Variants in HDAC7 observed in about 807,000 individuals in gnomAD.
HDAC7 encodes histone deacetylase 7A.
HDAC7 carries 26 observed loss-of-function variants against 115.5 expected under a neutral mutation model. The observed-to-expected ratio is 0.23, with a 90% confidence interval of 0.16 to 0.31. HDAC7 has a LOEUF of 0.31. Ranked by LOEUF, HDAC7 falls within the 10% of genes least tolerant of loss-of-function variation. The probability of loss-of-function intolerance (pLI) is 1.00; values close to 1 mark genes in which losing one functional copy is unlikely to be tolerated. For synonymous variants in HDAC7, 564 were observed against 550.9 expected, an observed-to-expected ratio of 1.02 and a Z score of -0.33; for missense variants, 1,068 against 1,329.0, an observed-to-expected ratio of 0.80 and a Z score of 3.05.
At chr12:47,805,270 T>G (rs1458878242) in intron 1 of HDAC7, among the ~76,000 whole-genome samples, 1 of 151,758 alleles carries the variant, frequency 6.6e-6, no homozygotes, top group African/African-American at 2.4e-5. Flanking sequence ...TTTTTTTTTT[T>G]GTAGAGACGA....
At chr12:47,784,851 C>T in intron 24 of HDAC7, 1 of 1,336,630 alleles carries the variant, frequency 7.5e-7, no homozygotes, top group South Asian at 1.3e-5. Flanking sequence ...GACATCACGG[C>T]TCCCCTACCC....
Position 47,789,299 on chromosome 12 carries a change from G to T in HDAC7, c.2197C>A (p.Gln733Lys), listed in dbSNP as rs776684341. The change falls in exon 19 of 26, where the codon CAG becomes AAG. Residue 733 changes from glutamine (Q) to lysine (K), a missense_variant. This residue lies in a region of HDAC7 where 182 missense variants were observed against 301.1 expected (regional missense o/e 0.60). Coordinates refer to ENST00000080059, the MANE Select transcript of HDAC7 (RefSeq NM_015401.5). ...SVAIACRQLQ[Q>K]QSKASKILIV... ...AGGATCTTGCTGGCCTTGCTCTGCT[G>T]TTGCAGCTGCCGGCAGGCGATGGCC... 6.5e-5 allele frequency: 105 copies of T among 1,613,954 alleles called. No individual in the cohort carries two copies. The highest frequency in any genetic ancestry group is 2.4e-5 in the Non-Finnish European group (28 of 1,180,008).
rs199987255 is a variant in HDAC7 at position 47,791,871 on chromosome 12, C to T, written c.1812G>A (p.Glu604=). ...LQERGLRSQC[E]CLRGRKASLE... ...TCGGGCCCCACCCGCGCCTCCTCAC[C>T]TCACACTGGCTCCGGAGCCCCCGCT... The change falls in exon 14 of 26, where the codon GAG becomes GAA. Residue 604 remains glutamate, a splice_region_variant and synonymous_variant. Coordinates refer to ENST00000080059, the MANE Select transcript of HDAC7 (RefSeq NM_015401.5). The T allele has an allele frequency of 2.4e-5, 39 of 1,611,382 alleles. No homozygotes were observed. In the African/African-American group the frequency reaches 3.6e-4, roughly 15 times the overall value.
Position 47,797,262 on chromosome 12 carries a change from TC to T in HDAC7, c.577+121del. 1 of 1,559,016 alleles carries T rather than the reference TC, an allele frequency of 6.4e-7. No homozygotes were observed. The highest frequency in any genetic ancestry group is 8.8e-7 in the Non-Finnish European group (1 of 1,141,448). The stretch of plus-strand genomic sequence containing the variant: ...AGAGAAGGCAGAACTAGAAAGAAGA[TC>T]CTAGCCTACCGATGATCTCCTGGCC... On this transcript the variant is annotated intron_variant, in intron 6 of 25. Coordinates refer to ENST00000080059, the MANE Select transcript of HDAC7 (RefSeq NM_015401.5). The surrounding 1 kb of genome is among the most constrained non-coding windows in gnomAD (Gnocchi z 5.5).
intron 17 of HDAC7, 38 bp downstream of exon 17, chr12:47,789,774 TC>T: frequency 6.6e-7 from 1 of 1,523,122 alleles, no homozygotes; most frequent in Non-Finnish European, 9.1e-7. Flanking sequence ...CTCTGCTTCC[TC>T]CTTTGTGGTG....
Position 47,795,873 on chromosome 12 carries a change from C to A in HDAC7, c.906+33G>T. Reference sequence around the variant, plus strand: ...AAGGGAGTGAAAGAAGCTGGGGGGGCTTGGAGTGGGGGTGGGCACCCCAGC... The same window carrying A: ...AAGGGAGTGAAAGAAGCTGGGGGGGATTGGAGTGGGGGTGGGCACCCCAGC... On this transcript the variant is annotated intron_variant, in intron 9 of 25. Transcript: ENST00000080059. The surrounding 1 kb of genome is among the most constrained non-coding windows in gnomAD (Gnocchi z 4.3). The A allele has an allele frequency of 6.6e-7, 1 of 1,517,466 alleles. No individual in the cohort carries two copies. The allele number at this position is 1,517,466 out of a possible 1,614,324, so 94.0% of individuals were successfully genotyped here. A position where few individuals can be genotyped will look rare whatever the true frequency, so the allele number is the denominator to read the frequency against.
chr12:47,803,497 G>A lies in HDAC7; in HGVS notation c.20-1223C>T, dbSNP rs1163092927. On this transcript the variant is annotated intron_variant, in intron 1 of 25. Coordinates refer to ENST00000080059, the MANE Select transcript of HDAC7 (RefSeq NM_015401.5). This position sits in a 1 kb window ranked among gnomAD's most constrained non-coding sequence, Gnocchi z 4.0. ...GCCCATGCTTTGGGTAACAAAGTTC[G>A]GTCCGAAAATGCTGCTCTACCTATT... Among the ~76,000 whole-genome samples the A allele has an allele frequency of 2.6e-5, 4 of 152,132 alleles. No homozygotes were observed. Among genetic ancestry groups the A allele is most frequent in the South Asian group, 4.1e-4 (2 of 4,834 alleles).
In HDAC7 at chr12:47,798,765, G is replaced by A. The variant is rs1319665340; in HGVS notation, c.258+20C>T. 6.4e-7 allele frequency: 1 copy of A among 1,554,876 alleles called. No individual in the cohort carries two copies. Among genetic ancestry groups the A allele is most frequent in the Admixed American group, 2.0e-5 (1 of 51,266 alleles). On this transcript the variant is annotated intron_variant, in intron 3 of 25. Transcript: ENST00000080059. The surrounding 1 kb of genome is among the most constrained non-coding windows in gnomAD (Gnocchi z 4.3). ...GACCAAGCTCAAGGTGGCCCCACAT[G>A]CAGGGAGCTCCATCTTTACCCTCAT... is the stretch of plus-strand genomic sequence containing the variant.
In HDAC7 at chr12:47,793,573, G is replaced by T; in HGVS notation, c.1474C>A (p.Gln492Lys). Residue 492 changes from glutamine (Q) to lysine (K), a missense_variant, in exon 13 of 26, where the codon CAG becomes AAG. Transcript: ENST00000080059. The surrounding 1 kb of genome is among the most constrained non-coding windows in gnomAD (Gnocchi z 4.5). Reference protein sequence around the residue: ...QQHPQVLLWEQQRLAGRLPRG... With the variant: ...QQHPQVLLWEKQRLAGRLPRG... ...GGGAGCCGCCCAGCCAGTCGCTGCTGTTCCCAGAGCAACACCTAGGGGAAA... is the reference window on the plus strand; with the variant it reads ...GGGAGCCGCCCAGCCAGTCGCTGCTTTTCCCAGAGCAACACCTAGGGGAAA... 6.5e-7 allele frequency: 1 copy of T among 1,543,284 alleles called. No individual in the cohort carries two copies. Among genetic ancestry groups the T allele is most frequent in the African/African-American group, 1.4e-5 (1 of 73,108 alleles).
intron 1 of HDAC7, among the ~76,000 whole-genome samples, chr12:47,816,217 C>T (rs1428500802): frequency 6.6e-6 from 1 of 152,018 alleles, no homozygotes; most frequent in Non-Finnish European, 1.5e-5. Flanking sequence ...TAACACATTC[C>T]CCAGGTGACT....
At position 47,803,417 on chromosome 12, in the gene HDAC7, G is replaced by C. The variant is rs562431670; in HGVS notation, c.20-1143C>G. Among the ~76,000 whole-genome samples, 1 of 152,198 alleles carries C rather than the reference G, an allele frequency of 6.6e-6. No individual in the cohort carries two copies. The highest frequency in any genetic ancestry group is 1.9e-4 in the East Asian group (1 of 5,200). On this transcript the variant is annotated intron_variant, in intron 1 of 25. Transcript: ENST00000080059. This position sits in a 1 kb window ranked among gnomAD's most constrained non-coding sequence, Gnocchi z 4.0. ...GAACTTCCTGCAGGCAGGCGCTGCT[G>C]GGGGAGGGGGCAGCCTGGGCACAGG... is the stretch of plus-strand genomic sequence containing the variant.
In HDAC7 at chr12:47,795,782, G is replaced by A. The variant is rs1210172357; in HGVS notation, c.907-15C>T. The A allele has an allele frequency of 3.3e-6, 5 of 1,521,740 alleles. No individual in the cohort carries two copies. The highest frequency in any genetic ancestry group is 4.4e-6 in the Non-Finnish European group (5 of 1,131,094). 94.3% of individuals were successfully genotyped at this position (1,521,740 alleles called of 1,614,324 possible). ...TCACTGTCAGCCTGGGGGAGAGGCG[G>A]GAGAAGTCACGGGGAAGAAGATTCC... On this transcript the variant is annotated splice_polypyrimidine_tract_variant and intron_variant, in intron 9 of 25. Coordinates refer to ENST00000080059, the MANE Select transcript of HDAC7 (RefSeq NM_015401.5). This position sits in a 1 kb window ranked among gnomAD's most constrained non-coding sequence, Gnocchi z 4.3.
rs1159976839 is a variant in HDAC7 at position 47,798,628 on chromosome 12, C to T, written c.283G>A (p.Glu95Lys). 7.4e-6 allele frequency: 12 copies of T among 1,613,800 alleles called. No homozygotes were observed. The highest frequency in any genetic ancestry group is 9.3e-6 in the Non-Finnish European group (11 of 1,179,826). The change falls in exon 4 of 26, where the codon GAG becomes AAG. Residue 95 changes from glutamate to lysine, a missense_variant. By Grantham distance (56) the Glu-to-Lys change is moderately conservative (BLOSUM62 1). This residue lies in a region of HDAC7 where 161 missense variants were observed against 158.5 expected (regional missense o/e 1.02). Coordinates refer to ENST00000080059, the MANE Select transcript of HDAC7 (RefSeq NM_015401.5). This position sits in a 1 kb window ranked among gnomAD's most constrained non-coding sequence, Gnocchi z 4.3. ...TGTTCCTGGGGTCCCACCTGCAACT[C>T]GGGCATCGGCGTGTCCATGGAGAGC... ...MRLSMDTPMP[E>K]LQVGPQEQEL...
Position 47,791,931 on chromosome 12 carries a change from G to A in HDAC7, c.1752C>T (p.Ala584=), listed in dbSNP as rs561583033. 5.1e-5 allele frequency: 82 copies of A among 1,610,678 alleles called. No individual in the cohort carries two copies. The highest frequency in any genetic ancestry group is 2.3e-4 in the Admixed American group (14 of 59,820). Residue 584 remains alanine (A), a synonymous_variant, in exon 14 of 26, where the codon GCC becomes GCT. Transcript: ENST00000080059. ...CGDNSRHPEH[A]GRIQSIWSRL... The stretch of plus-strand genomic sequence containing the variant: ...GGGACCAGATGCTCTGGATGCGGCC[G>A]GCGTGCTCCGGGTGCCTGCTGTTGT...
intron 1 of HDAC7, among the ~76,000 whole-genome samples, chr12:47,805,491 AC>A (rs1944361423): frequency 6.6e-6 from 1 of 152,086 alleles, no homozygotes; most frequent in Admixed American, 6.5e-5. Context: ...CTCCCTTCAC[AC>A]CCGAGGTTGC....
intron 1 of HDAC7, chr12:47,817,556 C>A (rs374911773): frequency 6.6e-6 from 1 of 152,300 alleles, no homozygotes; most frequent in East Asian, 1.9e-4. Context: ...GGCCTCAGTC[C>A]GAAGTCTAAC....
Position 47,795,473 on chromosome 12 carries a change from G to T in HDAC7, c.1088-93C>A. ...GGGTGGGGGGCCAGGGTGCAGCAGGGCAATGCGCAGGACAGGGGGACAGAG... is the reference window on the plus strand; with the variant it reads ...GGGTGGGGGGCCAGGGTGCAGCAGGTCAATGCGCAGGACAGGGGGACAGAG... On this transcript the variant is annotated intron_variant, in intron 10 of 25. Transcript: ENST00000080059. The surrounding 1 kb of genome is among the most constrained non-coding windows in gnomAD (Gnocchi z 4.3). 2 of 1,382,600 alleles carry T rather than the reference G, an allele frequency of 1.4e-6. No individual in the cohort carries two copies. Among genetic ancestry groups the T allele is most frequent in the South Asian group, 1.2e-5 (1 of 80,274 alleles). 85.6% of individuals were successfully genotyped at this position (1,382,600 alleles called of 1,614,324 possible).
At chr12:47,809,657 G>A (rs1944564637) in intron 1 of HDAC7, among the ~76,000 whole-genome samples, 1 of 152,042 alleles carries the variant, frequency 6.6e-6, no homozygotes, top group African/African-American at 2.4e-5. Flanking sequence ...TTCAACCTCT[G>A]CCTCCCGGGT....
At chr12:47,784,009 G>A (rs990295123) in intron 25 of HDAC7, 70 bp downstream of exon 25, 59 of 1,600,642 alleles carry the variant, frequency 3.7e-5, no homozygotes, top group East Asian at 2.7e-4. Context: ...TAGCGGACCC[G>A]GGGTCTTCAA....
Sources: gnomAD v4.1 joint callset for allele counts (sites outside exome capture counted in the v4.1 genomes callset) on GRCh38, gnomAD v4.1.1 for gene constraint, gnomAD v4.1.1 regional missense constraint, Gnocchi (gnomAD v3.1) non-coding constraint, MANE v1.5 for transcripts, NCBI Gene and HGNC (gene_info 2026-07-23, HGNC 2026-07-21) for gene names.